The following DCC variants were observed in gnomAD, a reference collection of about 807,000 sequenced individuals.
DCC encodes DCC netrin 1 receptor, also known as netrin receptor DCC.
Under a neutral mutation model 172.5 loss-of-function variants are expected in DCC, and 58 were observed. The ratio of observed to expected loss-of-function variants is 0.34; its 90% confidence interval spans 0.27 to 0.42. DCC has a LOEUF of 0.42. Among genes scored for constraint, DCC ranks in the 10% least tolerant of loss-of-function variants. The probability of loss-of-function intolerance (pLI) is 1.00; values close to 1 mark genes in which losing one functional copy is unlikely to be tolerated. For synonymous variants in DCC, 709 were observed against 644.5 expected (o/e 1.10, Z -1.52); for missense variants, 1,740 against 1,791.0 (o/e 0.97, Z 0.51).
At chr18:52,762,123 G>A (rs542796069) in intron 2 of DCC, among the ~76,000 whole-genome samples, 1 of 152,168 alleles carries the variant, frequency 6.6e-6, no homozygotes, top group African/African-American at 2.4e-5. Context: ...GTTTCTCAGA[G>A]TAGCATGTCT....
intron 1 of DCC, among the ~76,000 whole-genome samples, chr18:52,363,031 T>C (rs1302519535): frequency 6.6e-6 from 1 of 152,134 alleles, no homozygotes; most frequent in Non-Finnish European, 1.5e-5. Context: ...CAGGAGTAGC[T>C]AGGATTACAG....
At chr18:53,465,000 A>G (rs1265208647) in intron 24 of DCC, among the ~76,000 whole-genome samples, 7 of 150,962 alleles carry the variant, frequency 4.6e-5, no homozygotes, top group South Asian at 2.1e-4. Flanking sequence ...AAAAAAAAAA[A>G]AGAGAAGAAA....
At chr18:52,470,286 G>T (rs567375576) in intron 1 of DCC, among the ~76,000 whole-genome samples, 1 of 152,256 alleles carries the variant, frequency 6.6e-6, no homozygotes, top group Non-Finnish European at 1.5e-5. Context: ...ATGTACAAAA[G>T]AACATTTTTA....
At chr18:52,512,740 G>A (rs976191128) in intron 1 of DCC, among the ~76,000 whole-genome samples, 2 of 152,100 alleles carry the variant, frequency 1.3e-5, no homozygotes, top group African/African-American at 2.4e-5. Flanking sequence ...GAACATCAAG[G>A]TATGATAAAT....
chr18:53,047,458 T>TATATAC (rs1233071607), intron 5 of DCC, among the ~76,000 whole-genome samples: 1 of 99,970 alleles, frequency 1.0e-5, no homozygotes, highest in Non-Finnish European at 1.9e-5. Flanking sequence ...TATATATATA[T>TATATAC]ATATACCATT....
intron 1 of DCC, among the ~76,000 whole-genome samples, chr18:52,707,145 G>A (rs1197110420): frequency 6.6e-6 from 1 of 152,164 alleles, no homozygotes; most frequent in Admixed American, 6.5e-5. Flanking sequence ...AAAATAAGGT[G>A]AGAAATACAG....
At chr18:52,560,817 A>G (rs1286103885) in intron 1 of DCC, among the ~76,000 whole-genome samples, 3 of 152,184 alleles carry the variant, frequency 2.0e-5, no homozygotes, top group South Asian at 2.1e-4. Context: ...AAATATGGCA[A>G]TTACTGGATG....
At chr18:52,672,837 G>T (rs1229448215) in intron 1 of DCC, among the ~76,000 whole-genome samples, 1 of 152,126 alleles carries the variant, frequency 6.6e-6, no homozygotes, top group Non-Finnish European at 1.5e-5. Flanking sequence ...GGAGGCAAAG[G>T]CAAGAGGATC....
chr18:53,396,596 T>G (rs1908959960), intron 17 of DCC, among the ~76,000 whole-genome samples: 1 of 152,226 alleles, frequency 6.6e-6, no homozygotes, highest in South Asian at 2.1e-4. Flanking sequence ...ATGTGAAGTC[T>G]ACACAAAGAA....
chr18:53,400,718 T>C (rs999911165), intron 18 of DCC, among the ~76,000 whole-genome samples: 2 of 152,196 alleles, frequency 1.3e-5, no homozygotes, highest in African/African-American at 4.8e-5. Flanking sequence ...AAATAAGAGC[T>C]TGCACAGCAC....
chr18:53,418,584 G>C (rs1910455099), intron 21 of DCC, among the ~76,000 whole-genome samples: 1 of 152,022 alleles, frequency 6.6e-6, no homozygotes, highest in Non-Finnish European at 1.5e-5. Context: ...GTGGCATCTG[G>C]GGTCAGAATT....
chr18:53,300,989 CTT>C (rs36129290), intron 12 of DCC, among the ~76,000 whole-genome samples: 60 of 146,550 alleles, frequency 4.1e-4, no homozygotes, highest in East Asian at 6.0e-4. Flanking sequence ...TTCTTTCTTT[CTT>C]TTTTTTTCTT....
At chr18:52,743,514 G>A (rs568550131) in intron 1 of DCC, among the ~76,000 whole-genome samples, 1 of 152,288 alleles carries the variant, frequency 6.6e-6, no homozygotes, top group South Asian at 2.1e-4. Context: ...TCAAACTGCA[G>A]CTTAGAGAGT....
At chr18:53,507,012 A>G (rs1278786102) in intron 27 of DCC, among the ~76,000 whole-genome samples, 2 of 152,160 alleles carry the variant, frequency 1.3e-5, no homozygotes, top group Admixed American at 6.5e-5. Context: ...TTTCCTCTTT[A>G]AGGAGGAAGG....
intron 2 of DCC, among the ~76,000 whole-genome samples, chr18:52,833,155 ATGCACCTAG>A (rs1293621692): frequency 6.6e-6 from 1 of 152,092 alleles, no homozygotes; most frequent in Non-Finnish European, 1.5e-5. Flanking sequence ...TATCTTCCAC[ATGCACCTAG>A]TCCACGTTAA....
intron 1 of DCC, among the ~76,000 whole-genome samples, chr18:52,432,388 A>G (rs1021201143): frequency 2.6e-5 from 4 of 152,010 alleles, no homozygotes; most frequent in African/African-American, 9.7e-5. Context: ...TTCTGATTTG[A>G]TGTATGTTAT....
Position 52,472,286 on chromosome 18 carries a change from C to A in DCC, c.91+131408C>A, listed in dbSNP as rs1988969439. Among the ~76,000 whole-genome samples the A allele has an allele frequency of 5.3e-5, 8 of 152,238 alleles. No homozygotes were observed. The South Asian group carries it at 1.7e-3, about 32-fold the overall frequency. On this transcript the variant is annotated intron_variant, in intron 1 of 28. Transcript: ENST00000442544. Reference sequence around the variant, plus strand: ...CTAGTCCTGGGATCCCCTGTCTCCCCACCAACCCAGCTTCCTTCCCTTTTC... The same window carrying A: ...CTAGTCCTGGGATCCCCTGTCTCCCAACCAACCCAGCTTCCTTCCCTTTTC...
chr18:53,249,061 T>C (rs2056398322), intron 12 of DCC, among the ~76,000 whole-genome samples: 1 of 151,998 alleles, frequency 6.6e-6, no homozygotes, highest in African/African-American at 2.4e-5. Context: ...ATGAAAAATG[T>C]CAGCATAGAA....
At chr18:52,422,995 T>A (rs1987301011) in intron 1 of DCC, among the ~76,000 whole-genome samples, 1 of 152,170 alleles carries the variant, frequency 6.6e-6, no homozygotes, top group Non-Finnish European at 1.5e-5. Flanking sequence ...AGCCACTTAG[T>A]GACATTAATT....
Sources: allele counts gnomAD v4.1 joint callset (sites outside exome capture counted in the v4.1 genomes callset), GRCh38; gene constraint gnomAD v4.1.1; transcripts MANE v1.5; gene names NCBI Gene and HGNC (gene_info 2026-07-23, HGNC 2026-07-21).